Variants in ENTPD6 observed in about 807,000 individuals in gnomAD.
ENTPD6 encodes CD39 antigen-like 2.
A neutral mutation model predicts 61.5 loss-of-function variants in ENTPD6; 46 were observed. The ratio of observed to expected loss-of-function variants is 0.75; its 90% CI spans 0.59 to 0.96. The LOEUF is 0.96. ENTPD6 is among the 40% of genes least tolerant of loss of function. The pLI, the probability that ENTPD6 is intolerant of heterozygous loss-of-function variation, is 0.00. For missense variants in ENTPD6, 612 were observed against 629.0 expected (o/e 0.97, Z 0.29); for synonymous variants, 252 against 255.5 (o/e 0.99, Z 0.13).
intron 1 of ENTPD6, 39 bp from the exon 2 acceptor site, chr20:25,206,481 TAG>T: frequency 1.3e-6 from 2 of 1,504,238 alleles, no homozygotes; most frequent in Admixed American, 3.4e-5. Flanking sequence ...AGAATTTTTG[TAG>T]GCTTTGGAAG....
At chr20:25,217,358 C>T in intron 8 of ENTPD6, 144 bp from the exon 9 acceptor site, 3 of 723,498 alleles carry the variant, frequency 4.1e-6, no homozygotes, top group Non-Finnish European at 7.2e-6. Context: ...TTGCCTGCTC[C>T]TGTCTCGCAG....
At chr20:25,216,144 G>A (rs1005912307) in intron 7 of ENTPD6, among the ~76,000 whole-genome samples, 2 of 152,208 alleles carry the variant, frequency 1.3e-5, no homozygotes, top group African/African-American at 4.8e-5. Context: ...AAGTGACAAG[G>A]AGTCATTTTT....
intron 8 of ENTPD6, 25 bp downstream of exon 8, chr20:25,216,761 G>T (rs752120433): frequency 6.5e-7 from 1 of 1,542,158 alleles, no homozygotes; most frequent in Non-Finnish European, 8.8e-7. Context: ...CGACCACAGC[G>T]CTCTTTCCAC....
At chr20:25,221,196 C>G in intron 10 of ENTPD6, 36 bp from the exon 11 acceptor site, 3 of 1,548,274 alleles carry the variant, frequency 1.9e-6, no homozygotes, top group Non-Finnish European at 2.7e-6. Context: ...CGGTGATATA[C>G]CTTCCTTTCT....
At chr20:25,215,786 C>A in intron 7 of ENTPD6, 75 bp downstream of exon 7, 1 of 1,430,104 alleles carries the variant, frequency 7.0e-7, no homozygotes, top group Non-Finnish European at 9.9e-7. Context: ...CTTTCGAGAG[C>A]AGGAGCCTCA....
At chr20:25,215,612 T>C in intron 6 of ENTPD6, 64 bp from the exon 7 acceptor site, 1 of 1,542,766 alleles carries the variant, frequency 6.5e-7, no homozygotes, top group South Asian at 1.1e-5. Context: ...CATTTAACGG[T>C]CCTGTGTGTT....
chr20:25,219,255 T>C (rs2092517871), intron 10 of ENTPD6, among the ~76,000 whole-genome samples: 1 of 152,226 alleles, frequency 6.6e-6, no homozygotes, highest in African/African-American at 2.4e-5. Context: ...ACCAGGGAAC[T>C]GCACACTCAT....
At chr20:25,199,213 T>A (rs2090816989) in intron 1 of ENTPD6, among the ~76,000 whole-genome samples, 1 of 152,164 alleles carries the variant, frequency 6.6e-6, no homozygotes, top group South Asian at 2.1e-4. Flanking sequence ...GCACATGTCA[T>A]GTGCTGTGGA....
At chr20:25,214,799 A>G in intron 5 of ENTPD6, 68 bp from the exon 6 acceptor site, 1 of 987,826 alleles carries the variant, frequency 1.0e-6, no homozygotes, top group Non-Finnish European at 1.6e-6. Context: ...CTAGCTAGCT[A>G]GCTAAATAAA....
In ENTPD6 at chr20:25,214,927, A is replaced by G; in HGVS notation, c.658A>G (p.Asn220Asp). Residue 220 changes from asparagine to aspartate, a missense_variant, in exon 6 of 15, where the codon AAC becomes GAC. Physicochemically the swap from Asn to Asp is conservative, Grantham distance 23. Coordinates refer to ENST00000376652, the MANE Select transcript of ENTPD6 (RefSeq NM_001247.5). ...LVGDDCVSIM[N>D]GTDEGVSAWI... The stretch of plus-strand genomic sequence containing the variant: ...AGGGGATGACTGTGTTTCCATCATG[A>G]ACGGAACAGATGAAGGTAAATGGCT... 1 of 1,609,428 alleles carries G rather than the reference A, an allele frequency of 6.2e-7. No homozygotes were observed. The highest frequency in any genetic ancestry group is 8.5e-7 in the Non-Finnish European group (1 of 1,175,702).
In ENTPD6 at chr20:25,213,317, G is replaced by A. The variant is rs201669725; in HGVS notation, c.508G>A (p.Asp170Asn). The A allele has an allele frequency of 9.2e-5, 148 of 1,614,238 alleles. No individual in the cohort carries two copies. In the Admixed American group the frequency reaches 1.9e-3, roughly 20 times the overall value. The change falls in exon 5 of 15, where the codon GAC becomes AAC. Residue 170 changes from aspartate to asparagine, a missense_variant. Coordinates refer to ENST00000376652, the MANE Select transcript of ENTPD6 (RefSeq NM_001247.5). ...LDVAKQDIPF[D>N]FWKATPLVLK... ...TGTTGCTAAACAGGACATTCCGTTCGACTTCTGGAAGGCCACCCCTCTGGT... is the reference window on the plus strand; with the variant it reads ...TGTTGCTAAACAGGACATTCCGTTCAACTTCTGGAAGGCCACCCCTCTGGT...
intron 14 of ENTPD6, 34 bp downstream of exon 14, chr20:25,225,351 T>C: frequency 6.2e-7 from 1 of 1,610,248 alleles, no homozygotes; most frequent in Non-Finnish European, 8.5e-7. Flanking sequence ...CCCAGCCCCT[T>C]TATGGAGTGA....
chr20:25,201,459 T>C (rs2091026157), intron 1 of ENTPD6, among the ~76,000 whole-genome samples: 1 of 152,250 alleles, frequency 6.6e-6, no homozygotes, highest in East Asian at 1.9e-4. Flanking sequence ...ACTGTGTATA[T>C]GTTTATAATT....
chr20:25,215,193 G>A (rs2092247178), intron 6 of ENTPD6, among the ~76,000 whole-genome samples: 1 of 152,246 alleles, frequency 6.6e-6, no homozygotes, highest in South Asian at 2.1e-4. Flanking sequence ...AACCTGGCAT[G>A]AATGAAGCTT....
intron 1 of ENTPD6, 172 bp downstream of exon 1, chr20:25,196,039 C>A: frequency 1.2e-6 from 1 of 847,838 alleles, no homozygotes; most frequent in Non-Finnish European, 1.6e-6. Flanking sequence ...CCCTGGATGT[C>A]TGGGCTCCGC....
Position 25,207,222 on chromosome 20 carries a change from C to T in ENTPD6, c.201C>T (p.Ala67=), listed in dbSNP as rs1568612806. The T allele has an allele frequency of 6.2e-7, 1 of 1,614,112 alleles. No individual in the cohort carries two copies. Among genetic ancestry groups the T allele is most frequent in the Non-Finnish European group, 8.5e-7 (1 of 1,180,024 alleles). ...VAYIKWHRAT[A]TQAFFSITRA... is the part of the protein sequence containing the mutation. ...ACATCAAGTGGCACCGGGCCACCGCCACCCAGGCCTTCTTCAGCATCACCA... is the reference window on the plus strand; with the variant it reads ...ACATCAAGTGGCACCGGGCCACCGCTACCCAGGCCTTCTTCAGCATCACCA... The change falls in exon 3 of 15, where the codon GCC becomes GCT. Residue 67 remains alanine (A), a synonymous_variant. Coordinates refer to ENST00000376652, the MANE Select transcript of ENTPD6 (RefSeq NM_001247.5).
chr20:25,221,207 C>G (rs1248559890), intron 10 of ENTPD6, 25 bp from the exon 11 acceptor site: 8 of 1,588,506 alleles, frequency 5.0e-6, no homozygotes, highest in Non-Finnish European at 6.9e-6. Context: ...CTTCCTTTCT[C>G]TTTCCTTTTT....
intron 1 of ENTPD6, among the ~76,000 whole-genome samples, chr20:25,198,778 A>G (rs2122397618): frequency 1.3e-5 from 2 of 152,188 alleles, no homozygotes; most frequent in Admixed American, 1.3e-4. Context: ...AATGTGCATC[A>G]TTCCCAGCCC....
chr20:25,214,951 CT>C lies in ENTPD6; in HGVS notation c.673+10del. ...GAACGGAACAGATGAAGGTAAATGG[CT>C]GGAAGCACCTCTGTACAGTGGGGCT... On this transcript the variant is annotated intron_variant, in intron 6 of 14. Coordinates refer to ENST00000376652, the MANE Select transcript of ENTPD6 (RefSeq NM_001247.5). 6.3e-7 allele frequency: 1 copy of C among 1,589,246 alleles called. No individual in the cohort carries two copies. The highest frequency in any genetic ancestry group is 8.6e-7 in the Non-Finnish European group (1 of 1,157,378).
Sources: gnomAD v4.1 joint callset for allele counts (sites outside exome capture counted in the v4.1 genomes callset) on GRCh38, gnomAD v4.1.1 for gene constraint, MANE v1.5 for transcripts, NCBI Gene and HGNC (gene_info 2026-07-23, HGNC 2026-07-21) for gene names.